SRRM2: variants seen among roughly 807,000 people sequenced by gnomAD.
SRRM2 encodes the protein serine/arginine repetitive matrix 2.
SRRM2 carries 30 observed loss-of-function variants against 213.8 expected under a neutral mutation model. The observed-to-expected ratio is 0.14, with a 90% CI of 0.10 to 0.19. The LOEUF (loss-of-function observed/expected upper bound fraction) is 0.19, where lower values mean the gene tolerates loss of function less well. Ranked by LOEUF, SRRM2 falls within the 10% of genes least tolerant of loss-of-function variation. The pLI, the probability that SRRM2 is intolerant of heterozygous loss-of-function variation, is 1.00. For missense variants in SRRM2, 4,904 were observed against 3,647.0 expected (o/e 1.34, Z -8.88); for synonymous variants, 2,025 against 1,377.7 (o/e 1.47, Z -10.40).
At chr16:2,755,985 A>T (rs527526892) in intron 1 of SRRM2, among the ~76,000 whole-genome samples, 4 of 152,194 alleles carry the variant, frequency 2.6e-5, no homozygotes, top group Admixed American at 6.5e-5. Context: ...CCAAAGGAGA[A>T]CAAAAAGGGA....
In SRRM2 at chr16:2,766,435, A is replaced by G. The variant is rs1596287914; in HGVS notation, c.5907A>G (p.Arg1969=). 1.2e-6 allele frequency: 2 copies of G among 1,613,768 alleles called. No homozygotes were observed. Among genetic ancestry groups the G allele is most frequent in the Non-Finnish European group, 8.5e-7 (1 of 1,179,960 alleles). ...RSRTPPVTRR[R]SRSRTSPITR... ...GGACTCCACCAGTAACCAGGAGGCGATCTCGAAGCAGAACTTCGCCTATCA... is the reference window on the plus strand; with the variant it reads ...GGACTCCACCAGTAACCAGGAGGCGGTCTCGAAGCAGAACTTCGCCTATCA... Residue 1969 remains arginine, a synonymous_variant, in exon 11 of 15, where the codon CGA becomes CGG. Transcript: ENST00000301740. The surrounding 1 kb of genome is among the most constrained non-coding windows in gnomAD (Gnocchi z 7.0).
intron 12 of SRRM2, chr16:2,769,660 C>G (rs1483425279): frequency 1.9e-6 from 1 of 537,710 alleles, no homozygotes; most frequent in South Asian, 1.5e-5. Context: ...CCACGCCATT[C>G]TCTTCCACAT....
intron 6 of SRRM2, 33 bp from the exon 7 acceptor site, chr16:2,759,107 T>G: frequency 6.2e-7 from 1 of 1,614,122 alleles, no homozygotes; most frequent in Non-Finnish European, 8.5e-7. Context: ...GCAGAGGTGT[T>G]TCTTATGTTT....
chr16:2,752,793 G>A lies in SRRM2; in HGVS notation c.-85G>A. 1 of 345,566 alleles carries A rather than the reference G, an allele frequency of 2.9e-6. No individual in the cohort carries two copies. The allele number at this position is 345,566 out of a possible 1,614,324, so 21.4% of individuals were successfully genotyped here. ...AGGCCCGAGGGACTCGGGAGCTCGA[G>A]CAGCGGCGGCGGCAAGACCTCTCCC... On this transcript the variant is annotated 5_prime_UTR_variant, in exon 1 of 15. Coordinates refer to ENST00000301740, the MANE Select transcript of SRRM2 (RefSeq NM_016333.4).
Position 2,761,621 on chromosome 16 carries a change from G to C in SRRM2, c.1093G>C (p.Ala365Pro). Residue 365 changes from alanine (A) to proline (P), a missense_variant, in exon 11 of 15, where the codon GCT becomes CCT. Physicochemically the swap from Ala to Pro is conservative, Grantham distance 27. Transcript: ENST00000301740. ...GAGCAGCACAGGCCCAGAACCACCT[G>C]CTCCCACTCCGCTCCTTGCTGAGCG... ...ERSSTGPEPP[A>P]PTPLLAERHG... is the part of the protein sequence containing the mutation. 6.4e-7 allele frequency: 1 copy of C among 1,556,968 alleles called. No homozygotes were observed. The highest frequency in any genetic ancestry group is 1.4e-5 in the African/African-American group (1 of 72,706).
intron 10 of SRRM2, 79 bp downstream of exon 10, chr16:2,760,578 G>A (rs1306376157): frequency 6.8e-7 from 1 of 1,470,360 alleles, no homozygotes; most frequent in African/African-American, 1.4e-5. Flanking sequence ...AAAGGGAGAG[G>A]TAATAACTTA....
intron 12 of SRRM2, chr16:2,769,563 C>T (rs1236190842): frequency 6.2e-6 from 4 of 645,556 alleles, no homozygotes; most frequent in Non-Finnish European, 1.1e-5. Flanking sequence ...CTAGCTTTGT[C>T]TCCCTGTTGC....
chr16:2,769,066 C>A lies in SRRM2; in HGVS notation c.7803C>A (p.Ala2601=), dbSNP rs762952155. 1 of 1,614,148 alleles carries A rather than the reference C, an allele frequency of 6.2e-7. No homozygotes were observed. The highest frequency in any genetic ancestry group is 8.5e-7 in the Non-Finnish European group (1 of 1,180,042). Residue 2601 remains alanine, a synonymous_variant, in exon 12 of 15, where the codon GCC becomes GCA. Coordinates refer to ENST00000301740, the MANE Select transcript of SRRM2 (RefSeq NM_016333.4). The part of the protein sequence containing the change: ...REGRPPEPTP[A]KRKRRSSSSS... ...GACGTCCTCCGGAGCCAACCCCAGC[C>A]AAACGGAAGAGGCGCTCTAGCAGTT...
chr16:2,770,778 C>A, intron 14 of SRRM2, 61 bp downstream of exon 14: 1 of 1,607,414 alleles, frequency 6.2e-7, no homozygotes, highest in Non-Finnish European at 8.5e-7. Context: ...TGGGTGGCGG[C>A]CCCATTTTGG....
Position 2,760,424 on chromosome 16 carries a change from A to C in SRRM2, c.957A>C (p.Gln319His), listed in dbSNP as rs778432293. 8.7e-6 allele frequency: 14 copies of C among 1,614,054 alleles called. No homozygotes were observed. The highest frequency in any genetic ancestry group is 1.3e-5 in the African/African-American group (1 of 74,890). ...PFSEPGTTST[Q>H]RPSSPETATK... ...GTGAACCAGGTACTACCAGCACACA[A>C]CGGCCTAGTAGCCCGGAGACTGCTA... Residue 319 changes from glutamine to histidine, a missense_variant, in exon 10 of 15, where the codon CAA (glutamine) becomes CAC (histidine). Transcript: ENST00000301740.
chr16:2,767,832 C>T lies in SRRM2; in HGVS notation c.7304C>T (p.Pro2435Leu), dbSNP rs912779566. Residue 2435 changes from proline to leucine, a missense_variant, in exon 11 of 15, where the codon CCT (proline) becomes CTT (leucine). Pro to Leu is a moderately conservative substitution (Grantham distance 98, BLOSUM62 -3). Coordinates refer to ENST00000301740, the MANE Select transcript of SRRM2 (RefSeq NM_016333.4). ...PSPSSRMGQA[P>L]SQSLLPPAQD... ...CCTTCCTCTAGAATGGGCCAGGCTCCTTCACAGTCTCTTCTCCCTCCAGCA... is the reference window on the plus strand; with the variant it reads ...CCTTCCTCTAGAATGGGCCAGGCTCTTTCACAGTCTCTTCTCCCTCCAGCA... 13 of 1,613,958 alleles carry T rather than the reference C, an allele frequency of 8.1e-6. No individual in the cohort carries two copies. In the Admixed American group the frequency reaches 1.3e-4, roughly 17 times the overall value.
rs754031913 is a variant in SRRM2, at chr16:2,766,677, T to C, written c.6149T>C (p.Ile2050Thr). 2.7e-5 allele frequency: 44 copies of C among 1,611,746 alleles called. 3 individuals are homozygous for C. In the South Asian group the frequency reaches 4.6e-4, roughly 17 times the overall value. ...KRSRSRSPLA[I>T]RRRSRSRTPR... ...TCTCGAAGTCGCTCACCACTTGCTA[T>C]CCGCCGCCGCTCCAGATCCCGTACT... The change falls in exon 11 of 15, where the codon ATC becomes ACC. Residue 2050 changes from isoleucine to threonine, a missense_variant. Physicochemically the swap from Ile to Thr is moderately conservative, Grantham distance 89. Coordinates refer to ENST00000301740, the MANE Select transcript of SRRM2 (RefSeq NM_016333.4). The surrounding 1 kb of genome is among the most constrained non-coding windows in gnomAD (Gnocchi z 7.0).
At position 2,760,427 on chromosome 16, in the gene SRRM2, G is replaced by A; in HGVS notation, c.960G>A (p.Arg320=). 1.2e-6 allele frequency: 2 copies of A among 1,614,134 alleles called. No homozygotes were observed. Among genetic ancestry groups the A allele is most frequent in the Non-Finnish European group, 1.7e-6 (2 of 1,180,044 alleles). The part of the protein sequence containing the change: ...FSEPGTTSTQ[R]PSSPETATKQ... Reference sequence around the variant, plus strand: ...AACCAGGTACTACCAGCACACAACGGCCTAGTAGCCCGGAGACTGCTACGA... The same window carrying A: ...AACCAGGTACTACCAGCACACAACGACCTAGTAGCCCGGAGACTGCTACGA... The change falls in exon 10 of 15, where the codon CGG becomes CGA. Residue 320 remains arginine (R), a synonymous_variant. Coordinates refer to ENST00000301740, the MANE Select transcript of SRRM2 (RefSeq NM_016333.4).
rs769465447 is a variant in SRRM2, at chr16:2,770,397, G to A, written c.8067G>A (p.Arg2689=). 2 of 1,609,872 alleles carry A rather than the reference G, an allele frequency of 1.2e-6. No homozygotes were observed. Among genetic ancestry groups the A allele is most frequent in the East Asian group, 2.2e-5 (1 of 44,772 alleles). The change falls in exon 13 of 15, where the codon CGG becomes CGA. Residue 2689 remains arginine, a synonymous_variant. Transcript: ENST00000301740. The part of the protein sequence containing the change: ...RKPIDSLRDS[R]SLSYSPVERR... ...CAATAGACTCCCTCAGGGACTCTCGGTCCCTCAGCTACTCGCCTGTGGAGC... is the reference window on the plus strand; with the variant it reads ...CAATAGACTCCCTCAGGGACTCTCGATCCCTCAGCTACTCGCCTGTGGAGC...
In SRRM2 at chr16:2,756,357, A is replaced by T. The variant is rs1412694975; in HGVS notation, c.-8A>T. ...AGGAGCGGTGGTGCCCCCCCCGGGC[A>T]CGGGGCCATGTACAACGGGATCGGG... On this transcript the variant is annotated 5_prime_UTR_variant, in exon 2 of 15. Coordinates refer to ENST00000301740, the MANE Select transcript of SRRM2 (RefSeq NM_016333.4). 6.3e-7 allele frequency: 1 copy of T among 1,594,844 alleles called. No homozygotes were observed. Among genetic ancestry groups the T allele is most frequent in the South Asian group, 1.1e-5 (1 of 89,770 alleles).
At position 2,757,578 on chromosome 16, in the gene SRRM2, G is replaced by A; in HGVS notation, c.349G>A (p.Ala117Thr). The change falls in exon 3 of 15, where the codon GCG (alanine) becomes ACG (threonine). Residue 117 changes from alanine to threonine, a missense_variant and splice_region_variant. Ala to Thr is a moderately conservative substitution (Grantham distance 58). Transcript: ENST00000301740. ...GGAGGAGACCCCAGGGCAGAGGCCA[G>A]CGTGAGTGTTGCGCTCTCCCTCGAT... is the stretch of plus-strand genomic sequence containing the variant. ...GKEETPGQRP[A>T]VTETHQLAEL... The A allele has an allele frequency of 6.2e-7, 1 of 1,613,036 alleles. No individual in the cohort carries two copies. The highest frequency in any genetic ancestry group is 2.2e-5 in the East Asian group (1 of 44,866).
chr16:2,756,211 G>A (rs368059762), intron 1 of SRRM2, 123 bp from the exon 2 acceptor site: 25 of 965,556 alleles, frequency 2.6e-5, no homozygotes, highest in Admixed American at 2.1e-4. Flanking sequence ...ATTATACAGC[G>A]AAGACTTAGT....
At chr16:2,759,864 A>G (rs3180126) in intron 9 of SRRM2, 1 of 556,734 alleles carries the variant, frequency 1.8e-6, no homozygotes, top group Non-Finnish European at 3.1e-6. Context: ...GTTTTTGTTT[A>G]TTTGTTATTT....
rs2150778209 is a variant in SRRM2, at chr16:2,765,804, G to T, written c.5276G>T (p.Arg1759Ile). The change falls in exon 11 of 15, where the codon AGA (arginine) becomes ATA (isoleucine). Residue 1759 changes from arginine to isoleucine, a missense_variant. Transcript: ENST00000301740. ...CCACGCACTAAGACAACCTCAAGGA[G>T]AGGCCGCTCTCCTTCGCCAAAGCCT... ...SSPRTKTTSRRGRSPSPKPRG... is the reference protein window; with the variant it reads ...SSPRTKTTSRIGRSPSPKPRG... 1.2e-6 allele frequency: 2 copies of T among 1,614,118 alleles called. No homozygotes were observed. The highest frequency in any genetic ancestry group is 1.7e-6 in the Non-Finnish European group (2 of 1,180,044).
Sources: gnomAD v4.1 joint callset for allele counts (sites outside exome capture counted in the v4.1 genomes callset) on GRCh38, gnomAD v4.1.1 for gene constraint, Gnocchi (gnomAD v3.1) non-coding constraint, MANE v1.5 for transcripts, NCBI Gene and HGNC (gene_info 2026-07-23, HGNC 2026-07-21) for gene names.